The following NBEAL1 variants were observed in gnomAD, a reference collection of about 807,000 sequenced individuals.
The protein encoded by NBEAL1 is neurobeachin-like protein 1.
In NBEAL1, 273 loss-of-function variants were observed where a neutral mutation model predicts 351.3. The observed-to-expected ratio is 0.78, with a 90% confidence interval of 0.70 to 0.86. The LOEUF (loss-of-function observed/expected upper bound fraction) is 0.86, where lower values mean the gene tolerates loss of function less well. NBEAL1 is among the 40% of genes least tolerant of loss of function. The probability of loss-of-function intolerance (pLI) is 0.00; values close to 1 mark genes in which losing one functional copy is unlikely to be tolerated. For synonymous variants in NBEAL1, 1,050 were observed against 1,086.4 expected, an observed-to-expected ratio of 0.97 and a Z score of 0.66; for missense variants, 2,961 against 3,201.3, an observed-to-expected ratio of 0.92 and a Z score of 1.81.
At chr2:203,070,482 G>C (rs1015734856) in intron 7 of NBEAL1, among the ~76,000 whole-genome samples, 1 of 151,008 alleles carries the variant, frequency 6.6e-6, no homozygotes, top group African/African-American at 2.4e-5. Flanking sequence ...TCTTGCCTCA[G>C]CCTCCTGAGT....
chr2:203,123,302 G>A (rs2062867872), intron 19 of NBEAL1, among the ~76,000 whole-genome samples: 1 of 150,586 alleles, frequency 6.6e-6, no homozygotes, highest in South Asian at 2.1e-4. Flanking sequence ...CTTAATTTTG[G>A]TATAAGAACA....
intron 2 of NBEAL1, among the ~76,000 whole-genome samples, chr2:203,020,965 A>G (rs1415048416): frequency 2.6e-5 from 4 of 152,060 alleles, no homozygotes; most frequent in Non-Finnish European, 5.9e-5. Context: ...CTGTGGCCCA[A>G]ACTGGAGTGC....
chr2:203,224,766 T>C lies in NBEAL1; in HGVS notation c.*7412T>C, dbSNP rs1468994192. Among the ~76,000 whole-genome samples the C allele has an allele frequency of 6.6e-5, 10 of 152,176 alleles. No homozygotes were observed. On this transcript the variant is annotated 3_prime_UTR_variant, in exon 56 of 56. Coordinates refer to ENST00000683969, the MANE Select transcript of NBEAL1 (RefSeq NM_001378026.1). ...ATTATGCCTTATTTATATCTAATTATTGACTGTGCAAACTGTGACTCAGTG... is the reference window on the plus strand; with the variant it reads ...ATTATGCCTTATTTATATCTAATTACTGACTGTGCAAACTGTGACTCAGTG...
Position 203,217,434 on chromosome 2 carries a change from G to C in NBEAL1, c.*80G>C. On this transcript the variant is annotated 3_prime_UTR_variant, in exon 56 of 56. Transcript: ENST00000683969. ...CTTTAACCACATCTCTCAACTCTCT[G>C]CAATGTTGCAAGGCTTTTATCCCTG... The C allele has an allele frequency of 7.2e-7, 1 of 1,388,172 alleles. No homozygotes were observed. The highest frequency in any genetic ancestry group is 9.4e-7 in the Non-Finnish European group (1 of 1,063,648). The allele number at this position is 1,388,172 out of a possible 1,614,324, so 86.0% of individuals were successfully genotyped here. A position where few individuals can be genotyped will look rare whatever the true frequency, so the allele number is the denominator to read the frequency against.
At chr2:203,209,433 A>G in intron 53 of NBEAL1, 111 bp downstream of exon 53, 1 of 824,478 alleles carries the variant, frequency 1.2e-6, no homozygotes. Flanking sequence ...TTTAAAGATG[A>G]TGTTTTTCTT....
chr2:203,028,545 A>G (rs1290098366), intron 2 of NBEAL1, among the ~76,000 whole-genome samples: 1 of 151,604 alleles, frequency 6.6e-6, no homozygotes, highest in East Asian at 1.9e-4. Flanking sequence ...ATTTAATTTG[A>G]AAAACTTCAA....
chr2:203,108,227 A>T, intron 14 of NBEAL1, 39 bp downstream of exon 14: 1 of 1,384,362 alleles, frequency 7.2e-7, no homozygotes, highest in Non-Finnish European at 9.8e-7. Flanking sequence ...GAATACTGTC[A>T]TAACAATATA....
intron 12 of NBEAL1, among the ~76,000 whole-genome samples, chr2:203,106,662 A>G (rs1417239561): frequency 1.3e-5 from 2 of 152,204 alleles, no homozygotes; most frequent in Admixed American, 6.5e-5. Context: ...ACAAAAATAC[A>G]TGAGAAAATA....
intron 50 of NBEAL1, among the ~76,000 whole-genome samples, chr2:203,201,922 A>G (rs574415664): frequency 1.3e-5 from 2 of 152,186 alleles, no homozygotes; most frequent in South Asian, 2.1e-4. Context: ...AATTAAATAC[A>G]TCTTCATAGT....
chr2:203,206,819 G>C (rs947924446), intron 51 of NBEAL1, among the ~76,000 whole-genome samples: 2 of 151,312 alleles, frequency 1.3e-5, no homozygotes, highest in African/African-American at 4.9e-5. Context: ...TGCCGAGATT[G>C]CAGCCTCTGC....
At chr2:203,200,587 G>A (rs562434814) in intron 49 of NBEAL1, among the ~76,000 whole-genome samples, 6 of 151,712 alleles carry the variant, frequency 4.0e-5, no homozygotes, top group South Asian at 2.1e-4. Context: ...CAAGCTACTC[G>A]GGGGGCTGAG....
chr2:203,162,019 ATTTTTTTTTTTT>A (rs780529337), intron 36 of NBEAL1, among the ~76,000 whole-genome samples: 1 of 107,226 alleles, frequency 9.3e-6, no homozygotes, highest in Non-Finnish European at 1.9e-5. Context: ...ATTTGATTTG[ATTTTTTTTTTTT>A]TTTTTTTTTT....
chr2:203,028,486 T>A (rs2060897434), intron 2 of NBEAL1, among the ~76,000 whole-genome samples: 1 of 151,916 alleles, frequency 6.6e-6, no homozygotes, highest in Non-Finnish European at 1.5e-5. Flanking sequence ...CTTTTAGTTC[T>A]TTATGGATGT....
chr2:203,153,448 C>G (rs2063716352), intron 35 of NBEAL1, among the ~76,000 whole-genome samples: 1 of 151,892 alleles, frequency 6.6e-6, no homozygotes, highest in Admixed American at 6.6e-5. Context: ...CTGGCCAGAT[C>G]TTATTTTTTT....
chr2:203,036,707 G>A (rs547003380), intron 2 of NBEAL1, among the ~76,000 whole-genome samples: 2 of 149,210 alleles, frequency 1.3e-5, no homozygotes, highest in Admixed American at 6.7e-5. Context: ...CCAAATTTAA[G>A]TACTTTTTTT....
chr2:203,106,544 C>G (rs1475217393), intron 12 of NBEAL1, among the ~76,000 whole-genome samples: 1 of 152,060 alleles, frequency 6.6e-6, no homozygotes, highest in Non-Finnish European at 1.5e-5. Context: ...ATTGCCTGTA[C>G]TGTATTCTGA....
intron 17 of NBEAL1, among the ~76,000 whole-genome samples, chr2:203,114,522 G>A (rs1356363330): frequency 6.6e-6 from 1 of 152,110 alleles, no homozygotes; most frequent in African/African-American, 2.4e-5. Flanking sequence ...TTTTGGCTAT[G>A]ATTTTAAACA....
In NBEAL1 at chr2:203,183,359, G is replaced by A. The variant is rs768882429; in HGVS notation, c.6676G>A (p.Asp2226Asn). 6.3e-7 allele frequency: 1 copy of A among 1,593,046 alleles called. No individual in the cohort carries two copies. Among genetic ancestry groups the A allele is most frequent in the Non-Finnish European group, 8.6e-7 (1 of 1,168,856 alleles). The change falls in exon 44 of 56, where the codon GAT (aspartate) becomes AAT (asparagine). Residue 2226 changes from aspartate to asparagine, a missense_variant. Physicochemically the swap from Asp to Asn is conservative, Grantham distance 23. Coordinates refer to ENST00000683969, the MANE Select transcript of NBEAL1 (RefSeq NM_001378026.1). ...CCCGAAATGGGCTAAATCAGCTGAA[G>A]ATTTCATCTATAAACATAGGAAAGC... The part of the protein sequence containing the change: ...ILPKWAKSAE[D>N]FIYKHRKALE...
intron 2 of NBEAL1, among the ~76,000 whole-genome samples, chr2:203,021,286 AT>A (rs1172228446): frequency 1.3e-5 from 2 of 149,102 alleles, no homozygotes; most frequent in Non-Finnish European, 3.0e-5. Flanking sequence ...CCAGCCCAGT[AT>A]TTTTTTTAAT....
Sources: gnomAD v4.1 joint callset for allele counts (sites outside exome capture counted in the v4.1 genomes callset) on GRCh38, gnomAD v4.1.1 for gene constraint, MANE v1.5 for transcripts, NCBI Gene and HGNC (gene_info 2026-07-23, HGNC 2026-07-21) for gene names.